ITGA8: variants seen among roughly 807,000 people sequenced by gnomAD.
ITGA8 encodes integrin alpha-8.
A neutral mutation model predicts 142.3 loss-of-function variants in ITGA8; 91 were observed. The ratio of observed to expected loss-of-function variants is 0.64; its 90% CI spans 0.54 to 0.76. The LOEUF is 0.76. Among genes scored for constraint, ITGA8 ranks in the 30% least tolerant of loss-of-function variants. The probability of loss-of-function intolerance (pLI) is 0.00; values close to 1 mark genes in which losing one functional copy is unlikely to be tolerated. For missense variants in ITGA8, 1,406 were observed against 1,327.7 expected, an observed-to-expected ratio of 1.06 and a Z score of -0.92; for synonymous variants, 505 against 485.2, an observed-to-expected ratio of 1.04 and a Z score of -0.54.
At chr10:15,548,688 G>A in intron 26 of ITGA8, 120 bp from the exon 27 acceptor site, 2 of 598,718 alleles carry the variant, frequency 3.3e-6, no homozygotes, top group South Asian at 2.2e-5. Flanking sequence ...AATTATTAAT[G>A]TAAATAAAGA....
chr10:15,672,408 T>C (rs1834541086), intron 7 of ITGA8, among the ~76,000 whole-genome samples: 1 of 152,200 alleles, frequency 6.6e-6, no homozygotes, highest in South Asian at 2.1e-4. Context: ...AAAACTGCTA[T>C]GGAGCCAACA....
intron 2 of ITGA8, among the ~76,000 whole-genome samples, chr10:15,715,536 T>G (rs1835435028): frequency 6.6e-6 from 1 of 152,216 alleles, no homozygotes; most frequent in Non-Finnish European, 1.5e-5. Context: ...TGTACGGTCT[T>G]GGGTATACCT....
intron 28 of ITGA8, 22 bp downstream of exon 28, chr10:15,531,026 CTA>C: frequency 9.2e-7 from 1 of 1,082,804 alleles, no homozygotes; most frequent in Non-Finnish European, 1.4e-6. Flanking sequence ...TTATTTGTGC[CTA>C]TATATATTTA....
At chr10:15,618,695 A>T (rs534339778) in intron 13 of ITGA8, among the ~76,000 whole-genome samples, 10 of 152,338 alleles carry the variant, frequency 6.6e-5, no homozygotes, top group Admixed American at 3.3e-4. Context: ...AGATTGGTTC[A>T]GTCTTTTGGA....
chr10:15,542,084 CTG>C (rs982030639), intron 27 of ITGA8, among the ~76,000 whole-genome samples: 2 of 152,134 alleles, frequency 1.3e-5, no homozygotes, highest in African/African-American at 4.8e-5. Context: ...GCCAATGACA[CTG>C]TTATGGGGCA....
chr10:15,672,430 C>T (rs1047418170), intron 7 of ITGA8, among the ~76,000 whole-genome samples, 194 bp downstream of exon 7: 1 of 152,244 alleles, frequency 6.6e-6, no homozygotes, highest in East Asian at 1.9e-4. Flanking sequence ...AATAGCTGCT[C>T]ACATTATGTA....
chr10:15,597,155 C>T (rs1031525873), intron 21 of ITGA8, 52 bp downstream of exon 21: 5 of 1,407,566 alleles, frequency 3.6e-6, no homozygotes, highest in Non-Finnish European at 5.0e-6. Flanking sequence ...CATTTGTTCC[C>T]TGTGAAGTCC....
intron 26 of ITGA8, among the ~76,000 whole-genome samples, chr10:15,554,009 G>A (rs1164997405): frequency 6.6e-6 from 1 of 151,782 alleles, no homozygotes; most frequent in Non-Finnish European, 1.5e-5. Context: ...AAAAAAAAAA[G>A]TTATCCATAT....
intron 25 of ITGA8, among the ~76,000 whole-genome samples, chr10:15,571,160 T>C (rs1651844242): frequency 6.6e-6 from 1 of 152,192 alleles, no homozygotes; most frequent in Non-Finnish European, 1.5e-5. Flanking sequence ...GTCTCATAAG[T>C]CCTTTACTAA....
chr10:15,644,479 TATATATATATATAG>T (rs1482552185), intron 12 of ITGA8, among the ~76,000 whole-genome samples: 598 of 23,198 alleles, frequency 0.026, 25 homozygotes, highest in Admixed American at 0.04. Flanking sequence ...TATATATATA[TATATATATATATAG>T]AATTTTTTTT....
intron 15 of ITGA8, among the ~76,000 whole-genome samples, chr10:15,613,170 AAAATAAAT>A (rs1554777864): frequency 4.1e-4 from 15 of 36,194 alleles, no homozygotes; most frequent in African/African-American, 6.7e-4. Context: ...CAATAAATAA[AAAATAAAT>A]AAATAAATAA....
intron 19 of ITGA8, 150 bp downstream of exon 19, chr10:15,605,574 A>G: frequency 1.6e-6 from 1 of 642,076 alleles, no homozygotes; most frequent in South Asian, 2.0e-5. Flanking sequence ...CCCAAACCAC[A>G]GGCTAACCCA....
intron 27 of ITGA8, among the ~76,000 whole-genome samples, chr10:15,533,043 C>G (rs1216577204): frequency 6.6e-6 from 1 of 152,098 alleles, no homozygotes; most frequent in Non-Finnish European, 1.5e-5. Flanking sequence ...GATCGGGGCT[C>G]TTTTTCCTTC....
intron 8 of ITGA8, among the ~76,000 whole-genome samples, chr10:15,667,544 T>G (rs11253600): frequency 0.59 from 90,012 of 151,890 alleles, 27,481 homozygotes; most frequent in South Asian, 0.75. Context: ...TCTTAGTTAT[T>G]TCTTGCCTTC....
intron 13 of ITGA8, among the ~76,000 whole-genome samples, chr10:15,627,560 G>A (rs186168543): frequency 8.3e-4 from 126 of 152,306 alleles, no homozygotes; most frequent in African/African-American, 2.9e-3. Flanking sequence ...AACAATGCTT[G>A]CAAACAGGAA....
Position 15,698,604 on chromosome 10 carries a change from C to T in ITGA8, c.344-10566G>A, listed in dbSNP as rs117810781. ...TTAAAATTTTTTAATTATAGCCATT[C>T]TTGCAGGAGTGAGGTGGTATCACAT... is the stretch of plus-strand genomic sequence containing the variant. On this transcript the variant is annotated intron_variant, in intron 2 of 29. Coordinates refer to ENST00000378076, the MANE Select transcript of ITGA8 (RefSeq NM_003638.3). Among the ~76,000 whole-genome samples, 337 of 152,278 alleles carry T rather than the reference C, an allele frequency of 2.2e-3. 6 individuals carry two copies. In the East Asian group the frequency reaches 0.056, roughly 25 times the overall value.
intron 21 of ITGA8, 33 bp from the exon 22 acceptor site, chr10:15,592,337 C>T (rs1832941258): frequency 6.8e-7 from 1 of 1,462,788 alleles, no homozygotes; most frequent in Non-Finnish European, 9.6e-7. Flanking sequence ...ACAAGAGTAG[C>T]TTGTACACAA....
At chr10:15,627,663 C>T (rs532374930) in intron 13 of ITGA8, among the ~76,000 whole-genome samples, 52 of 152,184 alleles carry the variant, frequency 3.4e-4, no homozygotes, top group Non-Finnish European at 7.1e-4. Context: ...GACAGAGATT[C>T]CCCAAGTCAA....
intron 2 of ITGA8, among the ~76,000 whole-genome samples, chr10:15,703,969 T>C (rs10752027): frequency 0.91 from 138,837 of 152,218 alleles, 64,446 homozygotes; most frequent in East Asian, 1. Context: ...CACTACTATC[T>C]CATCAAAGTT....
Sources: gnomAD v4.1 joint callset for allele counts (sites outside exome capture counted in the v4.1 genomes callset) on GRCh38, gnomAD v4.1.1 for gene constraint, MANE v1.5 for transcripts, NCBI Gene and HGNC (gene_info 2026-07-23, HGNC 2026-07-21) for gene names.